The following ITGA9 variants were observed in gnomAD, a reference collection of about 807,000 sequenced individuals.
The protein encoded by ITGA9 is integrin subunit alpha 9.
A neutral mutation model predicts 127.8 loss-of-function variants in ITGA9; 56 were observed. That is an observed-to-expected ratio of 0.44 (90% CI 0.35 to 0.55). ITGA9 has a LOEUF of 0.55. Ranked by LOEUF, ITGA9 falls within the 20% of genes least tolerant of loss-of-function variation. The probability of loss-of-function intolerance (pLI) is 0.00; values close to 1 mark genes in which losing one functional copy is unlikely to be tolerated. For synonymous variants in ITGA9, 508 were observed against 514.5 expected (o/e 0.99, Z 0.17); for missense variants, 1,196 against 1,347.1 (o/e 0.89, Z 1.76).
At chr3:37,576,464 G>A (rs1699654867) in intron 15 of ITGA9, among the ~76,000 whole-genome samples, 1 of 152,188 alleles carries the variant, frequency 6.6e-6, no homozygotes, top group Non-Finnish European at 1.5e-5. Context: ...TGTGAGGTGG[G>A]TGGTCAGGAA....
chr3:37,820,764 T>C lies in ITGA9; in HGVS notation c.*1775T>C, dbSNP rs1697504040. On this transcript the variant is annotated 3_prime_UTR_variant, in exon 28 of 28. Coordinates refer to ENST00000264741, the MANE Select transcript of ITGA9 (RefSeq NM_002207.3). ...GTCTAACGGAGTCTTAATGGCTTATTACAGCCTGCCAAAGTGCCAGCTACA... is the reference window on the plus strand; with the variant it reads ...GTCTAACGGAGTCTTAATGGCTTATCACAGCCTGCCAAAGTGCCAGCTACA... The C allele has an allele frequency of 6.6e-6, 1 of 152,218 alleles. No individual in the cohort carries two copies. Among genetic ancestry groups the C allele is most frequent in the Admixed American group, 6.5e-5 (1 of 15,284 alleles). The allele number at this position is 152,218 out of a possible 1,614,324, so 9.4% of individuals were successfully genotyped here.
At chr3:37,624,949 C>A (rs542279083) in intron 15 of ITGA9, among the ~76,000 whole-genome samples, 1 of 152,164 alleles carries the variant, frequency 6.6e-6, no homozygotes, top group Non-Finnish European at 1.5e-5. Context: ...CATGCTACCC[C>A]CTTCCCAGCT....
At chr3:37,456,557 C>T (rs561454169) in intron 1 of ITGA9, among the ~76,000 whole-genome samples, 24 of 152,328 alleles carry the variant, frequency 1.6e-4, no homozygotes, top group Admixed American at 1.3e-3. Context: ...CTGCCCCAGA[C>T]GCCCTGGAGT....
At chr3:37,556,361 C>T (rs1044833784) in intron 15 of ITGA9, among the ~76,000 whole-genome samples, 4 of 152,182 alleles carry the variant, frequency 2.6e-5, no homozygotes. Context: ...GGGGTCAAGA[C>T]TCGTTTCATA....
At chr3:37,474,497 T>C (rs1698469909) in intron 3 of ITGA9, among the ~76,000 whole-genome samples, 2 of 152,208 alleles carry the variant, frequency 1.3e-5, no homozygotes, top group Non-Finnish European at 2.9e-5. Flanking sequence ...TGAGGTATAA[T>C]ACTAAAGCAC....
intron 4 of ITGA9, among the ~76,000 whole-genome samples, chr3:37,485,291 C>T (rs17227972): frequency 0.11 from 16,577 of 152,054 alleles, 1,057 homozygotes; most frequent in Middle Eastern, 0.16. Flanking sequence ...GGTGGAAATT[C>T]GAGACTGGTC....
At chr3:37,556,138 G>A (rs1257811184) in intron 15 of ITGA9, among the ~76,000 whole-genome samples, 4 of 152,212 alleles carry the variant, frequency 2.6e-5, no homozygotes, top group African/African-American at 7.2e-5. Flanking sequence ...GGCAGGGGCT[G>A]GGCCAGGCCA....
At chr3:37,616,982 T>C (rs1010118613) in intron 15 of ITGA9, among the ~76,000 whole-genome samples, 3 of 152,234 alleles carry the variant, frequency 2.0e-5, no homozygotes, top group Non-Finnish European at 4.4e-5. Flanking sequence ...AATATTGTTA[T>C]GTGTGAATTT....
At chr3:37,633,175 G>A (rs1014354557) in intron 16 of ITGA9, among the ~76,000 whole-genome samples, 2 of 152,182 alleles carry the variant, frequency 1.3e-5, no homozygotes, top group African/African-American at 4.8e-5. Flanking sequence ...AGAATGATGA[G>A]CAAGTGGCAA....
chr3:37,576,083 G>C (rs1699651680), intron 15 of ITGA9, among the ~76,000 whole-genome samples: 1 of 152,178 alleles, frequency 6.6e-6, no homozygotes, highest in Admixed American at 6.5e-5. Flanking sequence ...GGAGCTTCAG[G>C]TGGCTTTAAT....
chr3:37,522,012 G>A (rs994901646), intron 11 of ITGA9, among the ~76,000 whole-genome samples: 1 of 151,992 alleles, frequency 6.6e-6, no homozygotes, highest in African/African-American at 2.4e-5. Flanking sequence ...AGCTGCTGGG[G>A]GTCAGGGGGC....
chr3:37,514,007 C>A, intron 9 of ITGA9, 107 bp downstream of exon 9: 1 of 1,318,820 alleles, frequency 7.6e-7, no homozygotes, highest in Non-Finnish European at 1.1e-6. Flanking sequence ...CAATGTTACC[C>A]AGAGGAGATG....
At chr3:37,748,788 A>G in intron 22 of ITGA9, 1 of 725,778 alleles carries the variant, frequency 1.4e-6, no homozygotes. Context: ...AAACAGAAAG[A>G]TACCTGGGTC....
chr3:37,553,325 C>A (rs1699396777), intron 15 of ITGA9, among the ~76,000 whole-genome samples: 1 of 152,200 alleles, frequency 6.6e-6, no homozygotes, highest in Admixed American at 6.5e-5. Context: ...ACTCAAATAT[C>A]ACCAGTTATC....
intron 25 of ITGA9, among the ~76,000 whole-genome samples, chr3:37,782,611 T>G (rs1211709978): frequency 2.0e-5 from 3 of 152,176 alleles, no homozygotes; most frequent in African/African-American, 7.2e-5. Context: ...CCCCAGCTGC[T>G]CCCAGAGCTT....
chr3:37,479,930 C>T (rs1306207221), intron 3 of ITGA9, among the ~76,000 whole-genome samples: 3 of 152,144 alleles, frequency 2.0e-5, no homozygotes, highest in Non-Finnish European at 4.4e-5. Context: ...GCCATAAGAA[C>T]GCTAAATGTT....
intron 15 of ITGA9, among the ~76,000 whole-genome samples, chr3:37,560,318 A>G (rs1004011270): frequency 1.3e-5 from 2 of 152,212 alleles, no homozygotes; most frequent in African/African-American, 4.8e-5. Context: ...TCCATGGTGT[A>G]TATGTCCCGC....
chr3:37,537,340 T>TC (rs58447917), intron 14 of ITGA9, among the ~76,000 whole-genome samples: 86,512 of 151,662 alleles, frequency 0.57, 25,142 homozygotes, highest in East Asian at 0.81. Context: ...TCCTTTGCCC[T>TC]CTCCAGCCTT....
At chr3:37,793,389 A>AACACACACACACACAC (rs10575371) in intron 26 of ITGA9, among the ~76,000 whole-genome samples, 8 of 134,458 alleles carry the variant, frequency 5.9e-5, no homozygotes, top group Non-Finnish European at 9.6e-5. Flanking sequence ...CAAACAGGTC[A>AACACACACACACACAC]ACACACACAC....
Sources: gnomAD v4.1 joint callset for allele counts (sites outside exome capture counted in the v4.1 genomes callset) on GRCh38, gnomAD v4.1.1 for gene constraint, MANE v1.5 for transcripts, NCBI Gene and HGNC (gene_info 2026-07-23, HGNC 2026-07-21) for gene names.